Variants in MBTD1 observed in about 807,000 individuals in gnomAD.
The protein encoded by MBTD1 is mbt domain containing 1.
In MBTD1, 24 loss-of-function variants were observed where a neutral mutation model predicts 87.8. The observed-to-expected ratio is 0.27, with a 90% CI of 0.20 to 0.38. The LOEUF (loss-of-function observed/expected upper bound fraction) is 0.38, where lower values mean the gene tolerates loss of function less well. Among genes scored for constraint, MBTD1 ranks in the 10% least tolerant of loss-of-function variants. The pLI, the probability that MBTD1 is intolerant of heterozygous loss-of-function variation, is 1.00. For missense variants in MBTD1, 436 were observed against 760.2 expected (o/e 0.57, Z 5.02); for synonymous variants, 237 against 248.6 (o/e 0.95, Z 0.44).
intron 2 of MBTD1, among the ~76,000 whole-genome samples, chr17:51,246,731 G>A (rs1390732536): frequency 6.6e-6 from 1 of 152,106 alleles, no homozygotes; most frequent in African/African-American, 2.4e-5. Flanking sequence ...CGCCTCCAGG[G>A]TTCAAGCAAT....
chr17:51,217,625 T>C lies in MBTD1; in HGVS notation c.404-209A>G, dbSNP rs1193650755. Among the ~76,000 whole-genome samples, 5 of 152,220 alleles carry C rather than the reference T, an allele frequency of 3.3e-5. 1 individual carries two copies. The East Asian group carries it at 9.6e-4, about 29-fold the overall frequency. On this transcript the variant is annotated intron_variant, in intron 5 of 16. Transcript: ENST00000586178. ...AACAAACAGGAGTTTCTTTATGTTT[T>C]TGAGACTGAGTCTCCCTCTGACACC...
At chr17:51,200,040 T>C (rs1190807980) in intron 12 of MBTD1, among the ~76,000 whole-genome samples, 1 of 152,190 alleles carries the variant, frequency 6.6e-6, no homozygotes, top group Non-Finnish European at 1.5e-5. Flanking sequence ...TTAGCCAGGA[T>C]GGTCTTGATA....
Position 51,201,640 on chromosome 17 carries a change from A to G in MBTD1, c.1176T>C (p.Ala392=). Reference sequence around the variant, plus strand: ...TTGTAGAAAGATTTAATGGGTCTATAGCTTCCAATTTCATTCCTTCCTTGA... The same window carrying G: ...TTGTAGAAAGATTTAATGGGTCTATGGCTTCCAATTTCATTCCTTCCTTGA... The part of the protein sequence containing the change: ...EWFKEGMKLE[A]IDPLNLSTIC... Residue 392 remains alanine (A), a synonymous_variant, in exon 12 of 17, where the codon GCT becomes GCC. Transcript: ENST00000586178. 1 of 1,612,302 alleles carries G rather than the reference A, an allele frequency of 6.2e-7. No homozygotes were observed. Among genetic ancestry groups the G allele is most frequent in the Non-Finnish European group, 8.5e-7 (1 of 1,178,980 alleles).
intron 5 of MBTD1, among the ~76,000 whole-genome samples, chr17:51,218,634 C>T (rs1160096051): frequency 6.6e-6 from 1 of 151,980 alleles, no homozygotes; most frequent in Non-Finnish European, 1.5e-5. Context: ...TGCTGAACAT[C>T]CCATTTCTTT....
chr17:51,193,271 G>A (rs778250945), intron 14 of MBTD1, among the ~76,000 whole-genome samples, 157 bp downstream of exon 14: 2 of 114,800 alleles, frequency 1.7e-5, no homozygotes, highest in Non-Finnish European at 3.8e-5. Context: ...TGATTCCTAG[G>A]TAAAGAAAAT....
intron 5 of MBTD1, among the ~76,000 whole-genome samples, 174 bp from the exon 6 acceptor site, chr17:51,217,590 C>G (rs891570921): frequency 7.2e-5 from 11 of 152,072 alleles, no homozygotes; most frequent in African/African-American, 2.7e-4. Flanking sequence ...TGGCTTATAT[C>G]ATATTTGCAA....
At chr17:51,258,514 AAAAG>A (rs199772497) in intron 2 of MBTD1, among the ~76,000 whole-genome samples, 1,955 of 111,950 alleles carry the variant, frequency 0.017, 47 homozygotes, top group African/African-American at 0.054. Context: ...TTAAAAAAAA[AAAAG>A]AAGGAGTAAA....
intron 2 of MBTD1, among the ~76,000 whole-genome samples, chr17:51,249,252 G>T (rs1460468727): frequency 2.0e-5 from 3 of 151,990 alleles, no homozygotes; most frequent in Non-Finnish European, 2.9e-5. Flanking sequence ...AGAGTTGGGG[G>T]TGGGGGGAAG....
chr17:51,179,609 T>G lies in MBTD1; in HGVS notation c.*967A>C, dbSNP rs988202961. ...AATCCAGGATAGATAAAAGCAGAGCTGGAATGATTTTGAAATCTAAACTTA... is the reference window on the plus strand; with the variant it reads ...AATCCAGGATAGATAAAAGCAGAGCGGGAATGATTTTGAAATCTAAACTTA... On this transcript the variant is annotated 3_prime_UTR_variant, in exon 17 of 17. Coordinates refer to ENST00000586178, the MANE Select transcript of MBTD1 (RefSeq NM_017643.3). The G allele has an allele frequency of 2.0e-4, 29 of 146,488 alleles. No individual in the cohort carries two copies. Among genetic ancestry groups the G allele is most frequent in the African/African-American group, 6.7e-4 (27 of 40,222 alleles). 9.1% of individuals were successfully genotyped at this position (146,488 alleles called of 1,614,324 possible).
chr17:51,255,587 CCTTT>C (rs2055039772), intron 2 of MBTD1, among the ~76,000 whole-genome samples: 1 of 151,024 alleles, frequency 6.6e-6, no homozygotes, highest in Non-Finnish European at 1.5e-5. Context: ...ATGATGATAA[CCTTT>C]TTTTTTTCCT....
In MBTD1 at chr17:51,192,267, GT is replaced by G. The variant is rs1259552849; in HGVS notation, c.1703del (p.Asn568ThrfsTer23). The G allele has an allele frequency of 6.4e-7, 1 of 1,550,652 alleles. No homozygotes were observed. The highest frequency in any genetic ancestry group is 8.7e-7 in the Non-Finnish European group (1 of 1,146,402). ...QPPASQSSRENQSASSKQKKK... is the reference protein window; with the variant it reads ...QPPASQSSREXQSASSKQKKK... ...TCTTCTGTTTTGATGAAGCTGATTG[GT>G]TTTCTCTTGATGCTGAAAAATAAAA... On this transcript the variant is annotated frameshift_variant, in exon 16 of 17. Coordinates refer to ENST00000586178, the MANE Select transcript of MBTD1 (RefSeq NM_017643.3). LOFTEE classifies it high-confidence loss of function.
intron 12 of MBTD1, among the ~76,000 whole-genome samples, chr17:51,198,769 T>C (rs2051286437): frequency 6.6e-6 from 1 of 152,182 alleles, no homozygotes; most frequent in Non-Finnish European, 1.5e-5. Context: ...ATTCCGGTCA[T>C]GTAGACATGG....
chr17:51,254,652 G>T (rs563600798), intron 2 of MBTD1, among the ~76,000 whole-genome samples: 24 of 152,208 alleles, frequency 1.6e-4, no homozygotes, highest in African/African-American at 5.8e-4. Context: ...TATGACTTCG[G>T]ATGTAACAAT....
intron 13 of MBTD1, among the ~76,000 whole-genome samples, chr17:51,194,431 G>T (rs1228777149): frequency 6.6e-6 from 1 of 151,918 alleles, no homozygotes; most frequent in Non-Finnish European, 1.5e-5. Flanking sequence ...TCAGCTGGGC[G>T]TGGTGGTGCA....
rs900128413 is a variant in MBTD1 at position 51,204,969 on chromosome 17, T to C, written c.605-1044A>G. On this transcript the variant is annotated intron_variant, in intron 7 of 16. Coordinates refer to ENST00000586178, the MANE Select transcript of MBTD1 (RefSeq NM_017643.3). ...AGTTCAATAAACACAAAGAAAATTA[T>C]GTAAAATGAGTTAAAAACTATGTCT... 6.6e-5 allele frequency among the ~76,000 whole-genome samples: 10 copies of C among 152,334 alleles called. No homozygotes were observed. The South Asian group carries it at 1.7e-3, about 25-fold the overall frequency.
intron 2 of MBTD1, among the ~76,000 whole-genome samples, chr17:51,228,505 A>C (rs925569801): frequency 3.3e-5 from 5 of 150,948 alleles, no homozygotes; most frequent in African/African-American, 9.7e-5. Context: ...AAAAAAAAAA[A>C]CAAGACAAAA....
At chr17:51,229,988 A>T (rs915947466) in intron 2 of MBTD1, among the ~76,000 whole-genome samples, 1 of 152,142 alleles carries the variant, frequency 6.6e-6, no homozygotes, top group Non-Finnish European at 1.5e-5. Flanking sequence ...CCTTTTAGAT[A>T]CAATTTTAAA....
chr17:51,187,423 T>C (rs1242824276), intron 16 of MBTD1, among the ~76,000 whole-genome samples: 2 of 148,008 alleles, frequency 1.4e-5, no homozygotes, highest in African/African-American at 5.0e-5. Context: ...AAAAAAAGTA[T>C]CACCCTTCAG....
At chr17:51,214,357 G>A (rs756248437) in intron 6 of MBTD1, among the ~76,000 whole-genome samples, 1 of 152,164 alleles carries the variant, frequency 6.6e-6, no homozygotes, top group African/African-American at 2.4e-5. Context: ...TTGAGTGACT[G>A]AGTATAAGCC....
Sources: gnomAD v4.1 joint callset for allele counts (sites outside exome capture counted in the v4.1 genomes callset) on GRCh38, gnomAD v4.1.1 for gene constraint, MANE v1.5 for transcripts, NCBI Gene and HGNC (gene_info 2026-07-23, HGNC 2026-07-21) for gene names.